SPATA13: variants seen among roughly 807,000 people sequenced by gnomAD.
The protein encoded by SPATA13 is spermatogenesis-associated protein 13.
Under a neutral mutation model 104.0 loss-of-function variants are expected in SPATA13, and 50 were observed. The ratio of observed to expected loss-of-function variants is 0.48; its 90% confidence interval spans 0.38 to 0.61. The LOEUF is 0.61. SPATA13 is among the 20% of genes least tolerant of loss of function. The probability of loss-of-function intolerance (pLI) is 0.00; values close to 1 mark genes in which losing one functional copy is unlikely to be tolerated. For synonymous variants in SPATA13, 606 were observed against 667.5 expected (o/e 0.91, Z 1.42); for missense variants, 1,524 against 1,690.6 (o/e 0.90, Z 1.73).
At chr13:24,074,631 A>C (rs1351537522) in intron 3 of SPATA13, among the ~76,000 whole-genome samples, 1 of 71,536 alleles carries the variant, frequency 1.4e-5, no homozygotes, top group Non-Finnish European at 3.3e-5. Context: ...ATGAGGAGTA[A>C]AGTGATTAAA....
In SPATA13 at chr13:24,293,026, G is replaced by T. The variant is rs539449388; in HGVS notation, c.3081-1713G>T. ...AAAAAAAAAAAAAAAAAAAAAAGGC[G>T]AGGGTGTGGGGAGAGCCTTCTTACA... On this transcript the variant is annotated intron_variant, in intron 9 of 12. Transcript: ENST00000382108. Among the ~76,000 whole-genome samples the T allele has an allele frequency of 2.8e-3, 381 of 133,950 alleles. 4 individuals carry two copies. The highest frequency in any genetic ancestry group is 4.4e-3 in the Non-Finnish European group (281 of 64,412). 87.9% of individuals were successfully genotyped at this position (133,950 alleles called of 152,430 possible).
At chr13:24,275,110 A>T (rs768106789) in intron 4 of SPATA13, among the ~76,000 whole-genome samples, 29 of 151,926 alleles carry the variant, frequency 1.9e-4, no homozygotes, top group African/African-American at 3.9e-4. Context: ...AAAAAATGAC[A>T]CCTCCTCTAT....
chr13:23,986,699 C>G (rs1875162313), intron 2 of SPATA13, among the ~76,000 whole-genome samples: 1 of 152,190 alleles, frequency 6.6e-6, no homozygotes, highest in African/African-American at 2.4e-5. Context: ...TGTGAGATAG[C>G]ATTGTCTTCA....
intron 1 of SPATA13, among the ~76,000 whole-genome samples, chr13:24,207,809 G>A (rs1380479389): frequency 1.3e-5 from 2 of 152,214 alleles, no homozygotes; most frequent in South Asian, 2.1e-4. Flanking sequence ...GGAGGCAGTC[G>A]CAGTGGATTA....
At chr13:24,281,532 G>A (rs1290920159) in intron 4 of SPATA13, among the ~76,000 whole-genome samples, 1 of 152,194 alleles carries the variant, frequency 6.6e-6, no homozygotes, top group East Asian at 1.9e-4. Flanking sequence ...GCGGACCCAT[G>A]GGCCATGCCT....
At chr13:24,173,047 A>AT (rs569549714) in intron 1 of SPATA13, among the ~76,000 whole-genome samples, 41 of 152,016 alleles carry the variant, frequency 2.7e-4, no homozygotes, top group Admixed American at 7.2e-4. Context: ...TAAGTAGTTC[A>AT]TTTTTTTTGA....
chr13:24,086,678 A>C (rs1269919014), intron 3 of SPATA13, among the ~76,000 whole-genome samples: 1 of 152,148 alleles, frequency 6.6e-6, no homozygotes, highest in Non-Finnish European at 1.5e-5. Context: ...TGGCTGCACA[A>C]GGAAAGAAGG....
At position 24,024,376 on chromosome 13, in the gene SPATA13, TGG is replaced by T. The variant is rs1457632140; in HGVS notation, c.-112+6676_-112+6677del. Among the ~76,000 whole-genome samples the T allele has an allele frequency of 5.3e-4, 81 of 152,084 alleles. No homozygotes were observed. The East Asian group carries it at 0.015, about 29-fold the overall frequency. ...ATGGACGGATGGATGGATGGATGGA[TGG>T]ATGGATAGATGGAATGAAGGAATGA... On this transcript the variant is annotated intron_variant, in intron 3 of 14. Transcript: ENST00000424834.
chr13:24,014,230 CTG>C (rs1876608628), intron 2 of SPATA13, among the ~76,000 whole-genome samples: 1 of 152,168 alleles, frequency 6.6e-6, no homozygotes, highest in South Asian at 2.1e-4. Flanking sequence ...GTGTGCATGT[CTG>C]TGTCCAGAGT....
intron 3 of SPATA13, among the ~76,000 whole-genome samples, chr13:24,018,011 G>A (rs1414452479): frequency 6.6e-6 from 1 of 152,156 alleles, no homozygotes; most frequent in Non-Finnish European, 1.5e-5. Context: ...CTGCTAGTGT[G>A]GCCAATCCAT....
chr13:24,277,806 G>A (rs971539557), intron 4 of SPATA13, among the ~76,000 whole-genome samples: 2 of 152,084 alleles, frequency 1.3e-5, no homozygotes, highest in African/African-American at 2.4e-5. Context: ...GATGGTAAGC[G>A]ACCTAGACAG....
chr13:24,153,762 C>T (rs4769329), intron 3 of SPATA13, among the ~76,000 whole-genome samples: 92,048 of 152,046 alleles, frequency 0.61, 30,480 homozygotes, highest in East Asian at 0.87. Context: ...TTTGAAATAT[C>T]CATGGAGATT....
intron 2 of SPATA13, among the ~76,000 whole-genome samples, chr13:24,005,568 C>G (rs1876183282): frequency 6.6e-6 from 1 of 151,396 alleles, no homozygotes; most frequent in African/African-American, 2.4e-5. Flanking sequence ...GCTTTCTTCC[C>G]TGGTAAAGGG....
intron 3 of SPATA13, among the ~76,000 whole-genome samples, chr13:24,040,036 C>T (rs1378436062): frequency 6.6e-6 from 1 of 152,194 alleles, no homozygotes; most frequent in Non-Finnish European, 1.5e-5. Flanking sequence ...ATCACAAGCA[C>T]CGTTTGGTGA....
chr13:24,177,798 G>A (rs1868525394), intron 1 of SPATA13, among the ~76,000 whole-genome samples: 1 of 152,056 alleles, frequency 6.6e-6, no homozygotes, highest in South Asian at 2.1e-4. Flanking sequence ...CTGCCACCAT[G>A]ATCTAATCAC....
intron 3 of SPATA13, among the ~76,000 whole-genome samples, chr13:24,019,093 A>T (rs200942393): frequency 0.038 from 5,334 of 140,912 alleles, 178 homozygotes; most frequent in African/African-American, 0.084. Context: ...TATTATTATT[A>T]TTTTTTTTTT....
At chr13:24,211,273 A>G (rs1190895742) in intron 1 of SPATA13, among the ~76,000 whole-genome samples, 2 of 152,274 alleles carry the variant, frequency 1.3e-5, no homozygotes, top group East Asian at 3.9e-4. Context: ...TGCTCTTTCT[A>G]GGACTTCCAG....
At chr13:24,103,955 G>T (rs1045802487) in intron 3 of SPATA13, among the ~76,000 whole-genome samples, 3 of 152,166 alleles carry the variant, frequency 2.0e-5, no homozygotes, top group African/African-American at 7.2e-5. Context: ...GTGATTAGCT[G>T]ATTAGGAGTG....
intron 2 of SPATA13, among the ~76,000 whole-genome samples, chr13:24,006,841 G>A (rs1876255721): frequency 6.6e-6 from 1 of 152,232 alleles, no homozygotes; most frequent in Admixed American, 6.5e-5. Context: ...AGAGCGCAGG[G>A]AAGCCACGTC....
Sources: gnomAD v4.1 joint callset for allele counts (sites outside exome capture counted in the v4.1 genomes callset) on GRCh38, gnomAD v4.1.1 for gene constraint, MANE v1.5 for transcripts, NCBI Gene and HGNC (gene_info 2026-07-23, HGNC 2026-07-21) for gene names.